Variants in KNSTRN observed in about 807,000 individuals in gnomAD.
KNSTRN encodes kinetochore localized astrin (SPAG5) binding protein.
In KNSTRN, 38 loss-of-function variants were observed where a neutral mutation model predicts 44.7. The observed-to-expected ratio is 0.85, with a 90% confidence interval of 0.66 to 1.11. KNSTRN has a LOEUF of 1.11. Among genes scored for constraint, KNSTRN ranks in the 50% most tolerant of loss-of-function variants. The pLI is 0.00. For missense variants in KNSTRN, 406 were observed against 375.8 expected, an observed-to-expected ratio of 1.08 and a Z score of -0.66; for synonymous variants, 158 against 148.1, an observed-to-expected ratio of 1.07 and a Z score of -0.48.
chr15:40,391,241 C>T (rs1889991511), intron 6 of KNSTRN, among the ~76,000 whole-genome samples: 2 of 152,214 alleles, frequency 1.3e-5, no homozygotes, highest in African/African-American at 4.8e-5. Context: ...AAATTGTCCA[C>T]TGACCTAAGG....
At chr15:40,384,647 A>G (rs576829459) in intron 2 of KNSTRN, 1 of 314,696 alleles carries the variant, frequency 3.2e-6, no homozygotes, top group Non-Finnish European at 6.4e-6. Flanking sequence ...CTTTATGATC[A>G]TATGTAACTG....
intron 2 of KNSTRN, 88 bp from the exon 3 acceptor site, chr15:40,386,274 G>A (rs948710586): frequency 7.6e-7 from 1 of 1,310,710 alleles, no homozygotes; most frequent in African/African-American, 1.5e-5. Context: ...AAAGATTTAT[G>A]ACAACTTCGA....
rs372143768 is a variant in KNSTRN at position 40,393,213 on chromosome 15, G to C, written c.823-256G>C. ...TTCAGATTGCTTGGATGAATCATGGGATATTGCACCAAATGTAGAGGATTT... is the reference window on the plus strand; with the variant it reads ...TTCAGATTGCTTGGATGAATCATGGCATATTGCACCAAATGTAGAGGATTT... On this transcript the variant is annotated intron_variant, in intron 8 of 8. Transcript: ENST00000249776. The C allele has an allele frequency of 2.5e-4, 399 of 1,613,762 alleles. 1 individual carries two copies. Among genetic ancestry groups the C allele is most frequent in the Non-Finnish European group, 3.2e-4 (381 of 1,179,862 alleles).
At chr15:40,383,572 G>A in intron 2 of KNSTRN, 2 of 432,440 alleles carry the variant, frequency 4.6e-6, no homozygotes, top group Middle Eastern at 5.9e-4. Flanking sequence ...GATTCAAGTT[G>A]TTGGTTATTG....
At chr15:40,393,411 C>T in intron 8 of KNSTRN, 58 bp from the exon 9 acceptor site, 1 of 1,597,952 alleles carries the variant, frequency 6.3e-7, no homozygotes. Context: ...ATTGTGTTTC[C>T]TGTTAGTCAA....
intron 8 of KNSTRN, among the ~76,000 whole-genome samples, chr15:40,392,289 C>A (rs1175320258): frequency 6.6e-6 from 1 of 151,816 alleles, no homozygotes; most frequent in East Asian, 1.9e-4. Flanking sequence ...ACAGATCATC[C>A]CATCACCTAG....
chr15:40,386,993 G>T, intron 3 of KNSTRN, 166 bp from the exon 4 acceptor site: 1 of 644,932 alleles, frequency 1.6e-6, no homozygotes. Context: ...TCAATAATCT[G>T]TGCCGAAGCA....
intron 4 of KNSTRN, among the ~76,000 whole-genome samples, chr15:40,387,701 G>C (rs111369470): frequency 1.3e-3 from 191 of 152,194 alleles, no homozygotes; most frequent in African/African-American, 4.5e-3. Flanking sequence ...CTATTATTTG[G>C]GCATATCTTA....
intron 2 of KNSTRN, among the ~76,000 whole-genome samples, chr15:40,385,653 C>T (rs1480951638): frequency 6.6e-6 from 1 of 152,110 alleles, no homozygotes; most frequent in Non-Finnish European, 1.5e-5. Context: ...AACGAAGTAA[C>T]GGTTTAAAAA....
chr15:40,392,471 T>C (rs921671995), intron 8 of KNSTRN, among the ~76,000 whole-genome samples: 2 of 152,184 alleles, frequency 1.3e-5, no homozygotes, highest in Non-Finnish European at 2.9e-5. Context: ...GAAGGATTAC[T>C]TGAAGCCAGG....
At position 40,385,906 on chromosome 15, in the gene KNSTRN, G is replaced by A. The variant is rs547574300; in HGVS notation, c.305-456G>A. Reference sequence around the variant, plus strand: ...TTGGTTTTTATTGCCAATTAGCCTGGAAGTTTTATTCTTTTGAATTAATCT... The same window carrying A: ...TTGGTTTTTATTGCCAATTAGCCTGAAAGTTTTATTCTTTTGAATTAATCT... On this transcript the variant is annotated intron_variant, in intron 2 of 8. Coordinates refer to ENST00000249776, the MANE Select transcript of KNSTRN (RefSeq NM_033286.4). Among the ~76,000 whole-genome samples the A allele has an allele frequency of 2.1e-4, 32 of 152,292 alleles. No homozygotes were observed. The South Asian group carries it at 6.6e-3, about 32-fold the overall frequency.
chr15:40,384,254 G>C, intron 2 of KNSTRN: 1 of 292,236 alleles, frequency 3.4e-6, no homozygotes, highest in East Asian at 1.1e-4. Flanking sequence ...GGCGCCTGTA[G>C]TCCCAGCTAC....
In KNSTRN at chr15:40,391,940, T is replaced by C. The variant is rs773916326; in HGVS notation, c.748-9T>C. 1 of 1,602,476 alleles carries C rather than the reference T, an allele frequency of 6.2e-7. No homozygotes were observed. Among genetic ancestry groups the C allele is most frequent in the Non-Finnish European group, 8.5e-7 (1 of 1,176,344 alleles). On this transcript the variant is annotated splice_polypyrimidine_tract_variant and intron_variant, in intron 7 of 8. Coordinates refer to ENST00000249776, the MANE Select transcript of KNSTRN (RefSeq NM_033286.4). The stretch of plus-strand genomic sequence containing the variant: ...AAGATTTGTTTACTACATTGTGCTT[T>C]CCTCTTAGTTGCTGTTAGAAACTTT...
In KNSTRN at chr15:40,382,972, G is replaced by A. The variant is rs1291036824; in HGVS notation, c.137G>A (p.Gly46Asp). The A allele has an allele frequency of 1.9e-6, 3 of 1,612,242 alleles. No homozygotes were observed. Among genetic ancestry groups the A allele is most frequent in the Non-Finnish European group, 2.5e-6 (3 of 1,180,036 alleles). ...ACCCAGGCGGCCGACTTAGCCGGTGGCACGACAGTTGCTGCAGGGAATCTT... is the reference window on the plus strand; with the variant it reads ...ACCCAGGCGGCCGACTTAGCCGGTGACACGACAGTTGCTGCAGGGAATCTT... The part of the protein sequence containing the change: ...FETQAADLAG[G>D]TTVAAGNLLN... The change falls in exon 1 of 9, where the codon GGC (glycine) becomes GAC (aspartate). Residue 46 changes from glycine to aspartate, a missense_variant. Coordinates refer to ENST00000249776, the MANE Select transcript of KNSTRN (RefSeq NM_033286.4).
Position 40,393,830 on chromosome 15 carries a change from C to G in KNSTRN, c.*233C>G. ...AGCCTCACAGGTGGATAATTGAGGC[C>G]TACAAGAGAGGGGAGCCTAGGAGCT... On this transcript the variant is annotated 3_prime_UTR_variant, in exon 9 of 9. Coordinates refer to ENST00000249776, the MANE Select transcript of KNSTRN (RefSeq NM_033286.4). 1 of 334,386 alleles carries G rather than the reference C, an allele frequency of 3.0e-6. No individual in the cohort carries two copies. The highest frequency in any genetic ancestry group is 5.5e-6 in the Non-Finnish European group (1 of 180,250). 20.7% of individuals were successfully genotyped at this position (334,386 alleles called of 1,614,324 possible). A position where few individuals can be genotyped will look rare whatever the true frequency, so the allele number is the denominator to read the frequency against.
chr15:40,393,045 A>C (rs1483997706), intron 8 of KNSTRN: 3 of 660,790 alleles, frequency 4.5e-6, no homozygotes, highest in East Asian at 5.5e-5. Flanking sequence ...GCAAATGTTC[A>C]CATCACCAAG....
At chr15:40,390,875 AGAGT>A (rs1433842484) in intron 6 of KNSTRN, among the ~76,000 whole-genome samples, 1 of 152,190 alleles carries the variant, frequency 6.6e-6, no homozygotes, top group Non-Finnish European at 1.5e-5. Flanking sequence ...TCGGCCTCCC[AGAGT>A]GCTGGGTTTA....
rs1002080056 is a variant in KNSTRN, at chr15:40,387,806, G to A, written c.485+600G>A. Among the ~76,000 whole-genome samples the A allele has an allele frequency of 6.6e-5, 10 of 152,158 alleles. 1 individual carries two copies. In the South Asian group the frequency reaches 1.5e-3, roughly 22 times the overall value. ...GTGGATCACCTGAGGTCAGGAGTTC[G>A]AGTCTAGCCTGGGAAACATGATGGG... On this transcript the variant is annotated intron_variant, in intron 4 of 8. Coordinates refer to ENST00000249776, the MANE Select transcript of KNSTRN (RefSeq NM_033286.4).
At chr15:40,390,829 G>T (rs1482037109) in intron 6 of KNSTRN, among the ~76,000 whole-genome samples, 4 of 152,050 alleles carry the variant, frequency 2.6e-5, no homozygotes, top group African/African-American at 9.7e-5. Context: ...TGGTCAGGCT[G>T]GTCTCAAACT....
Sources: allele counts gnomAD v4.1 joint callset (sites outside exome capture counted in the v4.1 genomes callset), GRCh38; gene constraint gnomAD v4.1.1; transcripts MANE v1.5; gene names NCBI Gene and HGNC (gene_info 2026-07-23, HGNC 2026-07-21).